UGCG: variants seen among roughly 807,000 people sequenced by gnomAD.
The protein encoded by UGCG is UDP-glucose ceramide glucosyltransferase.
A neutral mutation model predicts 49.5 loss-of-function variants in UGCG; 10 were observed. The observed-to-expected ratio is 0.20, with a 90% CI of 0.12 to 0.34. The LOEUF (loss-of-function observed/expected upper bound fraction) is 0.34, where lower values mean the gene tolerates loss of function less well. Among genes scored for constraint, UGCG ranks in the 10% least tolerant of loss-of-function variants. The pLI, the probability that UGCG is intolerant of heterozygous loss-of-function variation, is 1.00. For missense variants in UGCG, 312 were observed against 483.7 expected (o/e 0.65, Z 3.33); for synonymous variants, 182 against 158.2 (o/e 1.15, Z -1.13).
chr9:111,924,923 G>A (rs775689105), intron 4 of UGCG, 45 bp downstream of exon 4: 20 of 1,201,804 alleles, frequency 1.7e-5, no homozygotes, highest in Middle Eastern at 3.0e-4. Context: ...TTAATTTGAA[G>A]ATAAAATGCT....
chr9:111,927,978 A>G (rs191327684), intron 5 of UGCG, among the ~76,000 whole-genome samples: 4 of 152,290 alleles, frequency 2.6e-5, no homozygotes, highest in East Asian at 3.9e-4. Context: ...TGTGTGTCCT[A>G]TGCTTGAGTT....
At chr9:111,918,952 CA>C (rs148874658) in intron 2 of UGCG, among the ~76,000 whole-genome samples, 3 of 146,560 alleles carry the variant, frequency 2.0e-5, no homozygotes, top group East Asian at 4.0e-4. Context: ...AACAAAAAAA[CA>C]AAAAAAAACA....
intron 1 of UGCG, among the ~76,000 whole-genome samples, chr9:111,912,260 A>G (rs1838024539): frequency 6.6e-6 from 1 of 151,780 alleles, no homozygotes; most frequent in African/African-American, 2.4e-5. Flanking sequence ...CAAACTATCT[A>G]TGGCAAAGCA....
intron 1 of UGCG, among the ~76,000 whole-genome samples, chr9:111,898,776 C>T (rs1837713227): frequency 6.6e-6 from 1 of 152,100 alleles, no homozygotes. Context: ...CCTTTTGTGA[C>T]TATCCTTCCA....
chr9:111,897,379 G>A, intron 1 of UGCG, 66 bp downstream of exon 1: 6 of 1,362,012 alleles, frequency 4.4e-6, no homozygotes, highest in Non-Finnish European at 6.1e-6. Context: ...GCGAGAATGG[G>A]AAACGTTTGC....
chr9:111,933,807 T>C lies in UGCG; in HGVS notation c.*810T>C, dbSNP rs1354589652. 1.3e-5 allele frequency: 2 copies of C among 152,296 alleles called. No homozygotes were observed. Among genetic ancestry groups the C allele is most frequent in the South Asian group, 2.1e-4 (1 of 4,834 alleles). The allele number at this position is 152,296 out of a possible 1,614,324, so 9.4% of individuals were successfully genotyped here. A position where few individuals can be genotyped will look rare whatever the true frequency, so the allele number is the denominator to read the frequency against. On this transcript the variant is annotated 3_prime_UTR_variant, in exon 9 of 9. Coordinates refer to ENST00000374279, the MANE Select transcript of UGCG (RefSeq NM_003358.3). ...AATTAGTATAGCTAAATCTTTTCCT[T>C]CCTTGCTCCTCCCCCAGCCCACCCC...
At chr9:111,921,155 T>C (rs1001167293) in intron 2 of UGCG, among the ~76,000 whole-genome samples, 1 of 151,720 alleles carries the variant, frequency 6.6e-6, no homozygotes, top group Non-Finnish European at 1.5e-5. Flanking sequence ...CCACCAGCCT[T>C]GGCTTCCTGA....
rs569029860 is a variant in UGCG at position 111,903,690 on chromosome 9, G to A, written c.98+6377G>A. ...GGCTCACCACAGCCTTGACCTCCCA[G>A]GCTCAAGCAGTCCTCCTACCTCAGC... On this transcript the variant is annotated intron_variant, in intron 1 of 8. Coordinates refer to ENST00000374279, the MANE Select transcript of UGCG (RefSeq NM_003358.3). Among the ~76,000 whole-genome samples the A allele has an allele frequency of 3.9e-5, 6 of 152,176 alleles. No homozygotes were observed. In the East Asian group the frequency reaches 9.7e-4, roughly 25 times the overall value.
Position 111,914,766 on chromosome 9 carries a change from TTTTTGTTTTG to T in UGCG, c.240+38_240+47del, listed in dbSNP as rs140717465. The T allele has an allele frequency of 2.6e-5, 41 of 1,604,680 alleles. No homozygotes were observed. The highest frequency in any genetic ancestry group is 1.7e-4 in the Middle Eastern group (1 of 6,060). Reference sequence around the variant, plus strand: ...CCCAAAGTAAGTTCAGTGTTACGGTTTTTTGTTTTGTTTTGTTTTGTTTTGTTCCCCTCAT... The same window carrying T: ...CCCAAAGTAAGTTCAGTGTTACGGTTTTTTGTTTTGTTTTGTTCCCCTCAT... On this transcript the variant is annotated intron_variant, in intron 2 of 8. Coordinates refer to ENST00000374279, the MANE Select transcript of UGCG (RefSeq NM_003358.3).
At chr9:111,907,063 G>T (rs2131717976) in intron 1 of UGCG, among the ~76,000 whole-genome samples, 1 of 152,250 alleles carries the variant, frequency 6.6e-6, no homozygotes, top group East Asian at 1.9e-4. Flanking sequence ...TAGTTTTGGG[G>T]GATGAGGCCT....
chr9:111,928,466 T>G (rs1838364521), intron 5 of UGCG, among the ~76,000 whole-genome samples: 1 of 152,200 alleles, frequency 6.6e-6, no homozygotes. Flanking sequence ...TCTCTGGAAG[T>G]CACTCTGCCA....
chr9:111,897,567 T>C lies in UGCG; in HGVS notation c.98+254T>C, dbSNP rs552230717. ...GCCCAGCCAGGCTAAAGGAGACTGCTCTTACGTGTCAGGCTGAAGGTGGTG... is the reference window on the plus strand; with the variant it reads ...GCCCAGCCAGGCTAAAGGAGACTGCCCTTACGTGTCAGGCTGAAGGTGGTG... On this transcript the variant is annotated intron_variant, in intron 1 of 8. Coordinates refer to ENST00000374279, the MANE Select transcript of UGCG (RefSeq NM_003358.3). Among the ~76,000 whole-genome samples the C allele has an allele frequency of 3.3e-5, 5 of 152,302 alleles. No homozygotes were observed. The East Asian group carries it at 5.8e-4, about 18-fold the overall frequency.
At chr9:111,917,205 T>G (rs899789227) in intron 2 of UGCG, among the ~76,000 whole-genome samples, 1 of 152,196 alleles carries the variant, frequency 6.6e-6, no homozygotes, top group African/African-American at 2.4e-5. Flanking sequence ...TATTTTCTAA[T>G]TATAAACTTA....
At chr9:111,901,779 C>T (rs1459825360) in intron 1 of UGCG, among the ~76,000 whole-genome samples, 2 of 152,204 alleles carry the variant, frequency 1.3e-5, no homozygotes, top group African/African-American at 2.4e-5. Context: ...GCCTTTCTCT[C>T]TGACATTAGT....
rs745763886 is a variant in UGCG at position 111,914,607 on chromosome 9, G to A, written c.101G>A (p.Arg34Gln). Residue 34 changes from arginine to glutamine, a missense_variant and splice_region_variant, in exon 2 of 9, where the codon CGA becomes CAA. Arg to Gln is a conservative substitution (Grantham distance 43). This residue lies in a region of UGCG where 65 missense variants were observed against 74.7 expected (regional missense o/e 0.87). Coordinates refer to ENST00000374279, the MANE Select transcript of UGCG (RefSeq NM_003358.3). Reference sequence around the variant, plus strand: ...TTTTTATATCATTTGCTTTTTAGCCGATTACACCTCAACAAGAAGGCAACT... The same window carrying A: ...TTTTTATATCATTTGCTTTTTAGCCAATTACACCTCAACAAGAAGGCAACT... ...LMHFMAIIYT[R>Q]LHLNKKATDK... 64 of 1,613,022 alleles carry A rather than the reference G, an allele frequency of 4.0e-5. No individual in the cohort carries two copies. The highest frequency in any genetic ancestry group is 6.7e-5 in the East Asian group (3 of 44,862).
intron 2 of UGCG, among the ~76,000 whole-genome samples, chr9:111,921,802 A>ATTTTTTTGTTTTTTTTTTTTTTTTTTTTT (rs1838226299): frequency 1.8e-5 from 1 of 55,536 alleles, no homozygotes; most frequent in Admixed American, 3.1e-4. Context: ...CCCCAGGGTG[A>ATTTTTTTGTTTTTTTTTTTTTTTTTTTTT]TTTTTTTTTT....
chr9:111,913,217 G>A (rs1838048463), intron 1 of UGCG, among the ~76,000 whole-genome samples: 1 of 152,240 alleles, frequency 6.6e-6, no homozygotes, highest in African/African-American at 2.4e-5. Flanking sequence ...GGAAGAACAT[G>A]TGTCTTAGAA....
At chr9:111,919,186 TACTC>T (rs1487146111) in intron 2 of UGCG, among the ~76,000 whole-genome samples, 1 of 152,136 alleles carries the variant, frequency 6.6e-6, no homozygotes, top group Non-Finnish European at 1.5e-5. Context: ...TATGTACTCA[TACTC>T]ACAAAATAGC....
In UGCG at chr9:111,897,263, C is replaced by T; in HGVS notation, c.48C>T (p.Phe16=). The T allele has an allele frequency of 1.3e-6, 2 of 1,559,672 alleles. No homozygotes were observed. Residue 16 remains phenylalanine (F), a synonymous_variant, in exon 1 of 9, where the codon TTC becomes TTT. Transcript: ENST00000374279. The stretch of plus-strand genomic sequence containing the variant: ...TGGAGGGAATGGCCGTCTTCGGGTT[C>T]GTCCTCTTCTTGGTGCTGTGGCTGA... ...LALEGMAVFG[F]VLFLVLWLMH...
Sources: gnomAD v4.1 joint callset for allele counts (sites outside exome capture counted in the v4.1 genomes callset) on GRCh38, gnomAD v4.1.1 for gene constraint, gnomAD v4.1.1 regional missense constraint, MANE v1.5 for transcripts, NCBI Gene and HGNC (gene_info 2026-07-23, HGNC 2026-07-21) for gene names.